Variants in XYLB observed in about 807,000 individuals in gnomAD.
XYLB encodes the protein xylulokinase.
Under a neutral mutation model 78.7 loss-of-function variants are expected in XYLB, and 62 were observed. The ratio of observed to expected loss-of-function variants is 0.79; its 90% CI spans 0.64 to 0.97. XYLB has a LOEUF of 0.97. XYLB is among the 50% of genes least tolerant of loss of function. The pLI is 0.00. For synonymous variants in XYLB, 245 were observed against 247.4 expected, an observed-to-expected ratio of 0.99 and a Z score of 0.09; for missense variants, 687 against 676.8, an observed-to-expected ratio of 1.02 and a Z score of -0.17.
rs1448039504 is a variant in XYLB at position 38,379,359 on chromosome 3, C to T, written c.1291+17C>T. On this transcript the variant is annotated intron_variant, in intron 15 of 18. Coordinates refer to ENST00000207870, the MANE Select transcript of XYLB (RefSeq NM_005108.4). ...ATCGAGTCAGTAAGTGAGCCACTGG[C>T]AGCATGTGTCCCGGGGTGGGGGCTC... 1 of 1,613,296 alleles carries T rather than the reference C, an allele frequency of 6.2e-7. No individual in the cohort carries two copies. Among genetic ancestry groups the T allele is most frequent in the Admixed American group, 1.7e-5 (1 of 60,004 alleles).
intron 10 of XYLB, among the ~76,000 whole-genome samples, chr3:38,373,387 A>G (rs1264008653): frequency 6.6e-6 from 1 of 152,248 alleles, no homozygotes; most frequent in African/African-American, 2.4e-5. Flanking sequence ...TACATTTAAC[A>G]GTAACTAGAA....
the XYLB span, among the ~76,000 whole-genome samples, chr3:38,431,546 T>G: frequency 2.6e-5 from 4 of 152,222 alleles, no homozygotes; most frequent in Admixed American, 2.6e-4. Context: ...TTCTATTTCT[T>G]TCTCTTGCCT....
intron 2 of XYLB, among the ~76,000 whole-genome samples, chr3:38,354,201 G>A (rs2125555157): frequency 6.6e-6 from 1 of 152,136 alleles, no homozygotes; most frequent in East Asian, 2.0e-4. Context: ...AGCCTCCTGA[G>A]TAATTGGGAT....
chr3:38,420,834 T>C (rs1156947698), downstream of XYLB, among the ~76,000 whole-genome samples: 1 of 152,070 alleles, frequency 6.6e-6, no homozygotes, highest in Non-Finnish European at 1.5e-5. Context: ...TCTGCAGCAA[T>C]GGGACATGCT....
chr3:38,395,375 A>T, intron 15 of XYLB, 130 bp from the exon 16 acceptor site: 1 of 789,110 alleles, frequency 1.3e-6, no homozygotes, highest in Non-Finnish European at 2.2e-6. Flanking sequence ...TCTCTCCCGT[A>T]GTCCTGTGTG....
At chr3:38,416,917 G>C (rs564356322), downstream of XYLB, among the ~76,000 whole-genome samples, 6 of 152,142 alleles carry the variant, frequency 3.9e-5, no homozygotes, top group East Asian at 9.6e-4. Context: ...TTTCCGTTGT[G>C]TTACTTCTGC....
At position 38,364,480 on chromosome 3, in the gene XYLB, A is replaced by G. The variant is rs534957428; in HGVS notation, c.292-719A>G. 2.6e-5 allele frequency among the ~76,000 whole-genome samples: 4 copies of G among 151,310 alleles called. No individual in the cohort carries two copies. In the South Asian group the frequency reaches 8.4e-4, roughly 32 times the overall value. On this transcript the variant is annotated intron_variant, in intron 4 of 18. Transcript: ENST00000207870. ...ACCCCAGCCTCCTGAGCATGGTTTC[A>G]GGCTCAGTGCTCAGGCTGTCCCCTC...
intron 15 of XYLB, among the ~76,000 whole-genome samples, chr3:38,390,433 C>T (rs1442411900): frequency 6.6e-6 from 1 of 152,092 alleles, no homozygotes; most frequent in Non-Finnish European, 1.5e-5. Flanking sequence ...AGGCTGGTCT[C>T]GAACTCCTGA....
intron 18 of XYLB, among the ~76,000 whole-genome samples, chr3:38,403,282 CCT>C (rs1708187998): frequency 7.3e-6 from 1 of 136,306 alleles, no homozygotes; most frequent in South Asian, 2.6e-4. Context: ...CGACAGAGAC[CCT>C]GTCTCAAAAA....
chr3:38,445,909 T>C, the XYLB span, among the ~76,000 whole-genome samples: 1 of 152,200 alleles, frequency 6.6e-6, no homozygotes, highest in Admixed American at 6.5e-5. Context: ...TGCTTGACGA[T>C]AGTCCCTTCT....
At chr3:38,416,985 C>T (rs942116232), downstream of XYLB, among the ~76,000 whole-genome samples, 3 of 152,066 alleles carry the variant, frequency 2.0e-5, no homozygotes, top group African/African-American at 7.2e-5. Context: ...TGAATAGAAA[C>T]CTAGAAATAA....
Position 38,370,111 on chromosome 3 carries a change from T to G in XYLB, c.702T>G (p.Leu234=), listed in dbSNP as rs957723937. 1.2e-6 allele frequency: 2 copies of G among 1,614,136 alleles called. No individual in the cohort carries two copies. Among genetic ancestry groups the G allele is most frequent in the Admixed American group, 1.7e-5 (1 of 60,012 alleles). ...ATAAAGTCTGGTCCCAGGCTTGCCT[T>G]GGTGCCTGTGCACCTCATTTAGAGG... is the stretch of plus-strand genomic sequence containing the variant. ...IQDKVWSQAC[L]GACAPHLEEK... is the part of the protein sequence containing the mutation. Residue 234 remains leucine (L), a synonymous_variant, in exon 9 of 19, where the codon CTT becomes CTG. Coordinates refer to ENST00000207870, the MANE Select transcript of XYLB (RefSeq NM_005108.4).
At chr3:38,438,183 C>T in the XYLB span, among the ~76,000 whole-genome samples, 1 of 152,078 alleles carries the variant, frequency 6.6e-6, no homozygotes, top group African/African-American at 2.4e-5. Context: ...GAGTTGATTG[C>T]ACCACTCCAC....
At chr3:38,451,950 G>A in the XYLB span, 1 of 152,168 alleles carries the variant, frequency 6.6e-6, no homozygotes, top group Non-Finnish European at 1.5e-5. Flanking sequence ...ACCTGACCTG[G>A]TATGGAGTAG....
At position 38,400,265 on chromosome 3, in the gene XYLB, C is replaced by T. The variant is rs147035190; in HGVS notation, c.1439-626C>T. Among the ~76,000 whole-genome samples the T allele has an allele frequency of 1.7e-3, 260 of 152,150 alleles. 1 individual carries two copies. Among genetic ancestry groups the T allele is most frequent in the African/African-American group, 6.0e-3 (250 of 41,488 alleles). On this transcript the variant is annotated intron_variant, in intron 17 of 18. Coordinates refer to ENST00000207870, the MANE Select transcript of XYLB (RefSeq NM_005108.4). The stretch of plus-strand genomic sequence containing the variant: ...CCCGGAGAGACACAGTATCTGGCCT[C>T]GTGGACTTTACAGCTCAGCAAAAGA...
At chr3:38,409,373 G>C (rs532306877) in intron 18 of XYLB, among the ~76,000 whole-genome samples, 18 of 152,314 alleles carry the variant, frequency 1.2e-4, no homozygotes, top group African/African-American at 4.1e-4. Context: ...ATTAGGTATT[G>C]ATGGGACATA....
chr3:38,374,892 C>T (rs1253031725), intron 11 of XYLB, among the ~76,000 whole-genome samples: 3 of 152,148 alleles, frequency 2.0e-5, no homozygotes, highest in African/African-American at 7.2e-5. Flanking sequence ...AGCCATCACC[C>T]AAACCATTAT....
the XYLB span, among the ~76,000 whole-genome samples, chr3:38,433,954 A>G: frequency 1.4e-4 from 22 of 152,342 alleles, no homozygotes; most frequent in African/African-American, 5.1e-4. Context: ...TTTATAAAGA[A>G]AAGAAGTTTA....
At chr3:38,433,273 G>A in the XYLB span, among the ~76,000 whole-genome samples, 1 of 152,220 alleles carries the variant, frequency 6.6e-6, no homozygotes, top group Non-Finnish European at 1.5e-5. Context: ...GAGGGCCTGG[G>A]CCTGGCCCAC....
Sources: allele counts gnomAD v4.1 joint callset (sites outside exome capture counted in the v4.1 genomes callset), GRCh38; gene constraint gnomAD v4.1.1; transcripts MANE v1.5; gene names NCBI Gene and HGNC (gene_info 2026-07-23, HGNC 2026-07-21).